The following CDK5RAP2 variants were observed in gnomAD, a reference collection of about 807,000 sequenced individuals.
CDK5RAP2 encodes CDK5 regulatory subunit-associated protein 2.
Under a neutral mutation model 232.9 loss-of-function variants are expected in CDK5RAP2, and 147 were observed. That is an observed-to-expected ratio of 0.63 (90% CI 0.55 to 0.72). The LOEUF (loss-of-function observed/expected upper bound fraction) is 0.72. Among genes scored for constraint, CDK5RAP2 ranks in the 30% least tolerant of loss-of-function variants. The probability of loss-of-function intolerance (pLI) is 0.00; values close to 1 mark genes in which losing one functional copy is unlikely to be tolerated. For missense variants in CDK5RAP2, 2,195 were observed against 2,231.5 expected (o/e 0.98, Z 0.33); for synonymous variants, 833 against 833.7 (o/e 1.00, Z 0.01).
chr9:120,419,440 C>G (rs2034435797), intron 27 of CDK5RAP2, among the ~76,000 whole-genome samples: 2 of 152,152 alleles, frequency 1.3e-5, no homozygotes, highest in Non-Finnish European at 2.9e-5. Flanking sequence ...AGAAGAGTCT[C>G]TGAAATGACC....
At chr9:120,507,928 A>ATAT (rs2039893746) in intron 12 of CDK5RAP2, among the ~76,000 whole-genome samples, 1 of 70,522 alleles carries the variant, frequency 1.4e-5, no homozygotes, top group African/African-American at 4.6e-5. Context: ...AAAAAAAAAA[A>ATAT]AAAAAAAAAA....
intron 3 of CDK5RAP2, among the ~76,000 whole-genome samples, chr9:120,554,285 T>C (rs934231429): frequency 1.3e-5 from 2 of 152,238 alleles, no homozygotes; most frequent in Non-Finnish European, 2.9e-5. Context: ...AAATAATAGA[T>C]AAATGCAATC....
intron 20 of CDK5RAP2, 43 bp downstream of exon 20, chr9:120,458,407 C>G: frequency 6.3e-7 from 1 of 1,596,414 alleles, no homozygotes; most frequent in South Asian, 1.1e-5. Context: ...TTGTTCTCCC[C>G]TAGAACTAGA....
In CDK5RAP2 at chr9:120,389,210, CA is replaced by C. The variant is rs1425595765; in HGVS notation, c.*25del. On this transcript the variant is annotated 3_prime_UTR_variant, in exon 38 of 38. Transcript: ENST00000349780. ...CAGCGTGAGCTCGGTGGGGGAAGCA[CA>C]AGCTTTATTGGCTGAAAGTTCTTCT... 13 of 1,604,044 alleles carry C rather than the reference CA, an allele frequency of 8.1e-6. No homozygotes were observed. In the Admixed American group the frequency reaches 2.2e-4, roughly 27 times the overall value.
Position 120,439,975 on chromosome 9 carries a change from G to A in CDK5RAP2, c.3149-3C>T, listed in dbSNP as rs938103374. 1.2e-6 allele frequency: 2 copies of A among 1,612,244 alleles called. No homozygotes were observed. The highest frequency in any genetic ancestry group is 8.5e-7 in the Non-Finnish European group (1 of 1,179,248). On this transcript the variant is annotated splice_region_variant and splice_polypyrimidine_tract_variant and intron_variant, in intron 23 of 37. Transcript: ENST00000349780. ...ATCAGGTGGGCAAATCTCAGAGTCT[G>A]AAAATCAAATACACTTATGTCAGTA...
At chr9:120,483,346 G>C (rs2038426159) in intron 14 of CDK5RAP2, among the ~76,000 whole-genome samples, 1 of 152,214 alleles carries the variant, frequency 6.6e-6, no homozygotes, top group South Asian at 2.1e-4. Flanking sequence ...TCTCTCCCAG[G>C]AACTGAGAGA....
intron 27 of CDK5RAP2, among the ~76,000 whole-genome samples, chr9:120,417,914 T>C (rs562748921): frequency 5.3e-5 from 8 of 152,260 alleles, no homozygotes; most frequent in South Asian, 4.1e-4. Context: ...TTGTTTACAA[T>C]TGTGAAATCT....
intron 3 of CDK5RAP2, among the ~76,000 whole-genome samples, chr9:120,562,571 C>T (rs1357222324): frequency 1.3e-5 from 2 of 152,178 alleles, no homozygotes; most frequent in South Asian, 2.1e-4. Context: ...TTCCACTGAG[C>T]GGCATCCCAC....
intron 12 of CDK5RAP2, among the ~76,000 whole-genome samples, chr9:120,496,122 T>A (rs1588484627): frequency 1.9e-4 from 9 of 46,938 alleles, no homozygotes; most frequent in African/African-American, 6.4e-4. Context: ...GGAGCCCCTC[T>A]GCCCGGCCAG....
intron 18 of CDK5RAP2, among the ~76,000 whole-genome samples, chr9:120,466,788 G>C (rs2037401932): frequency 6.6e-6 from 1 of 152,180 alleles, no homozygotes; most frequent in African/African-American, 2.4e-5. Flanking sequence ...TTCCCACTTT[G>C]AAGGTAGGAG....
At position 120,503,163 on chromosome 9, in the gene CDK5RAP2, T is replaced by C. The variant is rs577678807; in HGVS notation, c.1312-11686A>G. Among the ~76,000 whole-genome samples the C allele has an allele frequency of 4.6e-5, 7 of 152,324 alleles. No homozygotes were observed. In the East Asian group the frequency reaches 5.8e-4, roughly 13 times the overall value. On this transcript the variant is annotated intron_variant, in intron 12 of 37. Coordinates refer to ENST00000349780, the MANE Select transcript of CDK5RAP2 (RefSeq NM_018249.6). ...GAAAACATAAAACCACTCTGTGACA[T>C]AGGCTTCCACTAGCCAATAATTTCA...
intron 10 of CDK5RAP2, 90 bp from the exon 11 acceptor site, chr9:120,525,168 G>A (rs767555131): frequency 2.7e-5 from 27 of 1,001,522 alleles, no homozygotes; most frequent in Non-Finnish European, 3.6e-5. Flanking sequence ...ATTGTGTCGT[G>A]CTTATAATCA....
At chr9:120,492,246 C>A (rs1390609867) in intron 12 of CDK5RAP2, among the ~76,000 whole-genome samples, 1 of 152,136 alleles carries the variant, frequency 6.6e-6, no homozygotes, top group Non-Finnish European at 1.5e-5. Flanking sequence ...CACAATGGAG[C>A]ACTCTTAAGC....
intron 15 of CDK5RAP2, among the ~76,000 whole-genome samples, chr9:120,475,998 T>C (rs927131486): frequency 9.9e-5 from 15 of 151,934 alleles, no homozygotes; most frequent in South Asian, 2.1e-4. Context: ...CTGACAAATG[T>C]AACATTCAAG....
intron 11 of CDK5RAP2, among the ~76,000 whole-genome samples, chr9:120,523,094 T>C (rs1483516711): frequency 1.3e-5 from 2 of 152,210 alleles, no homozygotes; most frequent in African/African-American, 2.4e-5. Flanking sequence ...ACCTGACATG[T>C]ATAACCTGAA....
intron 18 of CDK5RAP2, among the ~76,000 whole-genome samples, chr9:120,464,745 A>G (rs2037280927): frequency 2.6e-5 from 4 of 152,124 alleles, no homozygotes; most frequent in Admixed American, 6.5e-5. Context: ...TTATAGTCCC[A>G]TCTCCGCCAC....
intron 5 of CDK5RAP2, among the ~76,000 whole-genome samples, chr9:120,543,518 T>A (rs1470160550): frequency 6.6e-6 from 1 of 152,138 alleles, no homozygotes; most frequent in African/African-American, 2.4e-5. Context: ...TCAAATGCCA[T>A]CTCCTCAGGG....
At chr9:120,456,897 G>T (rs2036810829) in intron 20 of CDK5RAP2, among the ~76,000 whole-genome samples, 1 of 152,196 alleles carries the variant, frequency 6.6e-6, no homozygotes, top group South Asian at 2.1e-4. Flanking sequence ...GTGTTATTTT[G>T]CTAGAAATCT....
rs2035790832 is a variant in CDK5RAP2, at chr9:120,439,775, T to G, written c.3346A>C (p.Ile1116Leu). The G allele has an allele frequency of 6.2e-7, 1 of 1,614,092 alleles. No homozygotes were observed. The highest frequency in any genetic ancestry group is 1.7e-5 in the Admixed American group (1 of 60,016). ...TCCAGCTCAGTTTCCAAGTCATGGA[T>G]TTTCTGTTTTAAGTATTCTGTCTCA... ...SNETEYLKQK[I>L]HDLETELEGY... Residue 1116 changes from isoleucine (I) to leucine (L), a missense_variant, in exon 24 of 38, where the codon ATC (isoleucine) becomes CTC (leucine). By Grantham distance (5) the Ile-to-Leu change is conservative. Coordinates refer to ENST00000349780, the MANE Select transcript of CDK5RAP2 (RefSeq NM_018249.6).
Sources: gnomAD v4.1 joint callset for allele counts (sites outside exome capture counted in the v4.1 genomes callset) on GRCh38, gnomAD v4.1.1 for gene constraint, MANE v1.5 for transcripts, NCBI Gene and HGNC (gene_info 2026-07-23, HGNC 2026-07-21) for gene names.